The following MAGI2 variants were observed in gnomAD, a reference collection of about 807,000 sequenced individuals.
MAGI2 encodes the protein membrane-associated guanylate kinase, WW and PDZ domain-containing protein 2.
In MAGI2, 35 loss-of-function variants were observed where a neutral mutation model predicts 133.3. That is an observed-to-expected ratio of 0.26 (90% CI 0.20 to 0.35). MAGI2 has a LOEUF of 0.35. MAGI2 is among the 10% of genes least tolerant of loss of function. The pLI, the probability that MAGI2 is intolerant of heterozygous loss-of-function variation, is 1.00. For missense variants in MAGI2, 1,636 were observed against 1,863.4 expected (o/e 0.88, Z 2.25); for synonymous variants, 729 against 710.6 (o/e 1.03, Z -0.41).
At chr7:78,763,523 G>A (rs980991561) in intron 2 of MAGI2, among the ~76,000 whole-genome samples, 2 of 152,232 alleles carry the variant, frequency 1.3e-5, no homozygotes, top group Admixed American at 6.5e-5. Flanking sequence ...ATGATATTTC[G>A]AAGGGATGAC....
intron 2 of MAGI2, among the ~76,000 whole-genome samples, chr7:78,826,351 TAAAAAAAAA>T (rs1212068156): frequency 1.4e-5 from 1 of 71,402 alleles, no homozygotes; most frequent in Non-Finnish European, 3.0e-5. Flanking sequence ...AGACTCCGTC[TAAAAAAAAA>T]AAAAAAAAAA....
chr7:78,477,800 A>C (rs912546306), intron 6 of MAGI2, among the ~76,000 whole-genome samples: 8 of 151,996 alleles, frequency 5.3e-5, no homozygotes, highest in South Asian at 4.1e-4. Context: ...GACAATTAAA[A>C]TAATTATAAA....
intron 1 of MAGI2, among the ~76,000 whole-genome samples, chr7:79,032,777 G>A (rs1329450970): frequency 6.6e-6 from 1 of 151,382 alleles, no homozygotes; most frequent in Non-Finnish European, 1.5e-5. Flanking sequence ...ATATGGACAA[G>A]AATGTAGGAA....
intron 1 of MAGI2, among the ~76,000 whole-genome samples, chr7:79,207,565 A>T (rs1373342614): frequency 6.6e-6 from 1 of 151,970 alleles, no homozygotes; most frequent in Non-Finnish European, 1.5e-5. Flanking sequence ...TTGAAGACAC[A>T]AATAAATAAA....
intron 1 of MAGI2, among the ~76,000 whole-genome samples, chr7:79,349,983 G>C (rs549424642): frequency 6.6e-6 from 1 of 152,028 alleles, no homozygotes; most frequent in African/African-American, 2.4e-5. Flanking sequence ...TAAAACTAAA[G>C]ATGCACAGTC....
chr7:78,670,713 C>A (rs568769304), intron 2 of MAGI2, among the ~76,000 whole-genome samples: 123 of 152,138 alleles, frequency 8.1e-4, no homozygotes, highest in African/African-American at 2.9e-3. Context: ...GGTACCGGTA[C>A]CAAAACAGAG....
At chr7:78,967,622 T>TA (rs554244486) in intron 2 of MAGI2, among the ~76,000 whole-genome samples, 145 of 151,168 alleles carry the variant, frequency 9.6e-4, no homozygotes, top group Middle Eastern at 3.4e-3. Flanking sequence ...GATTTTTTTT[T>TA]TATATATATA....
intron 1 of MAGI2, among the ~76,000 whole-genome samples, chr7:79,052,614 A>G (rs1034113075): frequency 1.3e-5 from 2 of 152,182 alleles, no homozygotes; most frequent in Non-Finnish European, 2.9e-5. Context: ...TGACAAAACT[A>G]TGATTCCGTG....
Position 79,171,770 on chromosome 7 carries a change from ATTTTTTTT to A in MAGI2, c.302-164572_302-164565del, listed in dbSNP as rs144599296. ...TATATATATATATATATATATATAT[ATTTTTTTT>A]TTTTTTTTCTTTTAAAGGGTCTCCA... On this transcript the variant is annotated intron_variant, in intron 1 of 21. Transcript: ENST00000354212. Among the ~76,000 whole-genome samples the A allele has an allele frequency of 3.7e-3, 114 of 31,216 alleles. 4 individuals are homozygous for A. The highest frequency in any genetic ancestry group is 6.9e-3 in the African/African-American group (107 of 15,438). 20.5% of individuals were successfully genotyped at this position (31,216 alleles called of 152,430 possible).
chr7:78,087,883 G>C (rs939853655), intron 20 of MAGI2, among the ~76,000 whole-genome samples: 5 of 152,124 alleles, frequency 3.3e-5, no homozygotes, highest in African/African-American at 1.2e-4. Context: ...TTCTACAAAG[G>C]AAAAATAACT....
chr7:79,001,051 G>A (rs1043289745), intron 2 of MAGI2, among the ~76,000 whole-genome samples: 42 of 152,170 alleles, frequency 2.8e-4, no homozygotes, highest in African/African-American at 9.6e-4. Context: ...CAAGTAGCTG[G>A]GACTGCAGGT....
rs767389118 is a variant in MAGI2, at chr7:78,578,996, G to A, written c.538+48124C>T. The stretch of plus-strand genomic sequence containing the variant: ...TCCCAATGCCTGGAAAACCCTCACC[G>A]GGGGTTCTACAGTCAGCCTTCTATT... On this transcript the variant is annotated intron_variant, in intron 3 of 21. Transcript: ENST00000354212. 4.9e-4 allele frequency among the ~76,000 whole-genome samples: 75 copies of A among 152,214 alleles called. 1 individual carries two copies. Among genetic ancestry groups the A allele is most frequent in the African/African-American group, 9.9e-4 (41 of 41,520 alleles).
intron 2 of MAGI2, among the ~76,000 whole-genome samples, chr7:78,711,066 C>T (rs1487004817): frequency 6.6e-6 from 1 of 152,132 alleles, no homozygotes; most frequent in East Asian, 1.9e-4. Context: ...CTTGTAAGGA[C>T]TTTGCAATAT....
chr7:79,065,893 T>G (rs1421649961), intron 1 of MAGI2, among the ~76,000 whole-genome samples: 2 of 152,206 alleles, frequency 1.3e-5, no homozygotes, highest in African/African-American at 4.8e-5. Flanking sequence ...CAAGAACTCA[T>G]CCTTTTTTAT....
At chr7:78,070,194 T>C (rs80318500) in intron 21 of MAGI2, among the ~76,000 whole-genome samples, 2,909 of 32,024 alleles carry the variant, frequency 0.091, 187 homozygotes, top group African/African-American at 0.19. Flanking sequence ...TATATATATA[T>C]ATATATATAT....
chr7:78,842,649 T>C (rs1182419906), intron 2 of MAGI2, among the ~76,000 whole-genome samples: 2 of 151,798 alleles, frequency 1.3e-5, no homozygotes, highest in Admixed American at 1.3e-4. Context: ...CTCTAGTAGA[T>C]GTATAATAAA....
chr7:79,244,922 G>A (rs1251358729), intron 1 of MAGI2, among the ~76,000 whole-genome samples: 1 of 152,178 alleles, frequency 6.6e-6, no homozygotes, highest in East Asian at 1.9e-4. Flanking sequence ...CTCAGCCACA[G>A]TAGGATAGAG....
intron 2 of MAGI2, among the ~76,000 whole-genome samples, chr7:78,886,301 T>C (rs1796262097): frequency 6.6e-6 from 1 of 152,248 alleles, no homozygotes; most frequent in South Asian, 2.1e-4. Context: ...AAATAGACTT[T>C]GTATTCATTG....
intron 7 of MAGI2, among the ~76,000 whole-genome samples, chr7:78,356,824 A>G (rs1541482): frequency 0.25 from 37,916 of 152,050 alleles, 5,524 homozygotes; most frequent in East Asian, 0.63. Context: ...GGTATCCTCA[A>G]TCTCACTGAG....
Sources: allele counts gnomAD v4.1 joint callset (sites outside exome capture counted in the v4.1 genomes callset), GRCh38; gene constraint gnomAD v4.1.1; transcripts MANE v1.5; gene names NCBI Gene and HGNC (gene_info 2026-07-23, HGNC 2026-07-21).